The following ARHGAP18 variants were observed in gnomAD, a reference collection of about 807,000 sequenced individuals.
ARHGAP18 encodes rho GTPase-activating protein 18.
A neutral mutation model predicts 86.2 loss-of-function variants in ARHGAP18; 67 were observed. That is an observed-to-expected ratio of 0.78 (90% CI 0.64 to 0.95). The LOEUF is 0.95. Among genes scored for constraint, ARHGAP18 ranks in the 40% least tolerant of loss-of-function variants. ARHGAP18 has a pLI of 0.00. For missense variants in ARHGAP18, 691 were observed against 780.4 expected (o/e 0.89, Z 1.37); for synonymous variants, 283 against 280.4 (o/e 1.01, Z -0.09).
chr6:129,695,153 CA>C (rs1206404001), intron 1 of ARHGAP18, among the ~76,000 whole-genome samples: 3 of 151,718 alleles, frequency 2.0e-5, no homozygotes, highest in East Asian at 3.9e-4. Context: ...GCTTCTAGGT[CA>C]AAAAAAATTT....
At chr6:129,646,877 C>T (rs1003633569) in intron 1 of ARHGAP18, among the ~76,000 whole-genome samples, 5 of 152,116 alleles carry the variant, frequency 3.3e-5, no homozygotes, top group African/African-American at 1.2e-4. Context: ...TCTGGAGAGC[C>T]TCAGGTGTTC....
chr6:129,605,994 T>C (rs1788846012), intron 9 of ARHGAP18, 35 bp from the exon 10 acceptor site: 2 of 1,580,202 alleles, frequency 1.3e-6, no homozygotes. Context: ...AACTCTTTTC[T>C]TCAGTGAACA....
chr6:129,579,242 C>A (rs1368093877), intron 14 of ARHGAP18, among the ~76,000 whole-genome samples: 11 of 151,984 alleles, frequency 7.2e-5, no homozygotes, highest in Admixed American at 5.2e-4. Flanking sequence ...AATAAGAAAT[C>A]AAATCTATTA....
At chr6:129,669,393 C>A (rs1774102538) in intron 1 of ARHGAP18, among the ~76,000 whole-genome samples, 1 of 151,750 alleles carries the variant, frequency 6.6e-6, no homozygotes, top group Non-Finnish European at 1.5e-5. Flanking sequence ...AGGATGGTCT[C>A]GATCTCCTGA....
intron 1 of ARHGAP18, among the ~76,000 whole-genome samples, chr6:129,668,015 C>G (rs1774073549): frequency 6.6e-6 from 1 of 152,198 alleles, no homozygotes; most frequent in African/African-American, 2.4e-5. Flanking sequence ...GTTTCCAACT[C>G]TTTCTCCCTC....
At position 129,576,706 on chromosome 6, in the gene ARHGAP18, C is replaced by T. The variant is rs761853115; in HGVS notation, c.*1807G>A. 2.8e-4 allele frequency: 43 copies of T among 152,038 alleles called. No homozygotes were observed. Among genetic ancestry groups the T allele is most frequent in the Non-Finnish European group, 5.9e-4 (40 of 68,012 alleles). 9.4% of individuals were successfully genotyped at this position (152,038 alleles called of 1,614,324 possible). On this transcript the variant is annotated 3_prime_UTR_variant, in exon 15 of 15. Transcript: ENST00000368149. ...GGCATATGCTTCAGACAACCTTTTA[C>T]TTAAATCATTATCCTCACTGCTATC...
At chr6:129,671,580 A>T (rs1774142879) in intron 1 of ARHGAP18, among the ~76,000 whole-genome samples, 1 of 152,070 alleles carries the variant, frequency 6.6e-6, no homozygotes, top group Admixed American at 6.5e-5. Context: ...GTGAGCCTAT[A>T]GTTCTATTAA....
intron 12 of ARHGAP18, among the ~76,000 whole-genome samples, chr6:129,586,380 T>A (rs1788395118): frequency 6.6e-6 from 1 of 152,232 alleles, no homozygotes. Context: ...TTATCACTAT[T>A]ATTATGACTA....
chr6:129,590,645 G>T (rs553745569), intron 12 of ARHGAP18, among the ~76,000 whole-genome samples: 61 of 152,250 alleles, frequency 4.0e-4, no homozygotes, highest in African/African-American at 1.5e-3. Context: ...AGCTACAAAC[G>T]GTAGTCATTT....
At chr6:129,591,573 T>A (rs1788514387) in intron 12 of ARHGAP18, among the ~76,000 whole-genome samples, 1 of 152,242 alleles carries the variant, frequency 6.6e-6, no homozygotes, top group Admixed American at 6.5e-5. Context: ...CTAAACCTGA[T>A]TTTATTATTA....
At chr6:129,696,073 A>G (rs939996363) in intron 1 of ARHGAP18, among the ~76,000 whole-genome samples, 1 of 152,234 alleles carries the variant, frequency 6.6e-6, no homozygotes, top group Non-Finnish European at 1.5e-5. Flanking sequence ...AAATGTAACT[A>G]CTGTACTGGG....
At chr6:129,584,741 G>A (rs1788360857) in intron 12 of ARHGAP18, among the ~76,000 whole-genome samples, 1 of 152,148 alleles carries the variant, frequency 6.6e-6, no homozygotes, top group African/African-American at 2.4e-5. Context: ...CAAAATGTCA[G>A]CTATAGCGTT....
chr6:129,587,071 A>G (rs1041348181), intron 12 of ARHGAP18, among the ~76,000 whole-genome samples: 12 of 152,224 alleles, frequency 7.9e-5, no homozygotes, highest in African/African-American at 2.9e-4. Flanking sequence ...TATTGATTAA[A>G]TGAATCATTC....
At chr6:129,693,591 T>C (rs956659814) in intron 1 of ARHGAP18, among the ~76,000 whole-genome samples, 2 of 152,122 alleles carry the variant, frequency 1.3e-5, no homozygotes, top group African/African-American at 4.8e-5. Flanking sequence ...CAGCCTGCCA[T>C]AGAAAATGTC....
Position 129,625,035 on chromosome 6 carries a change from AT to A in ARHGAP18, c.786+4317del, listed in dbSNP as rs1175139256. Among the ~76,000 whole-genome samples the A allele has an allele frequency of 1.7e-3, 115 of 66,330 alleles. 5 individuals carry two copies. The highest frequency in any genetic ancestry group is 2.8e-3 in the South Asian group (8 of 2,888). 43.5% of individuals were successfully genotyped at this position (66,330 alleles called of 152,430 possible). A position where few individuals can be genotyped will look rare whatever the true frequency, so the allele number is the denominator to read the frequency against. Reference sequence around the variant, plus strand: ...ATAATATATATGATATATGATATATATTTATATAATATATATGATTGATATA... The same window carrying A: ...ATAATATATATGATATATGATATATATTATATAATATATATGATTGATATA... On this transcript the variant is annotated intron_variant, in intron 5 of 14. Coordinates refer to ENST00000368149, the MANE Select transcript of ARHGAP18 (RefSeq NM_033515.3).
intron 1 of ARHGAP18, among the ~76,000 whole-genome samples, chr6:129,668,357 A>T (rs1774079392): frequency 3.1e-5 from 3 of 97,276 alleles, no homozygotes; most frequent in African/African-American, 1.3e-4. Flanking sequence ...AATTTACCCA[A>T]ATAATCACAC....
chr6:129,597,936 T>G (rs900228922), intron 12 of ARHGAP18, among the ~76,000 whole-genome samples: 3 of 152,160 alleles, frequency 2.0e-5, no homozygotes, highest in Non-Finnish European at 2.9e-5. Flanking sequence ...ATATTCCATT[T>G]CCAAAAAGTA....
At chr6:129,639,317 G>A (rs1467698539) in intron 2 of ARHGAP18, among the ~76,000 whole-genome samples, 1 of 152,156 alleles carries the variant, frequency 6.6e-6, no homozygotes. Context: ...TCTAATGAAA[G>A]TTATTTAAAA....
chr6:129,682,784 T>A (rs1050530651), intron 1 of ARHGAP18, among the ~76,000 whole-genome samples: 29 of 152,210 alleles, frequency 1.9e-4, no homozygotes, highest in Non-Finnish European at 1.5e-5. Context: ...ATAGAGTAAC[T>A]GGACACACAG....
Sources: allele counts gnomAD v4.1 joint callset (sites outside exome capture counted in the v4.1 genomes callset), GRCh38; gene constraint gnomAD v4.1.1; transcripts MANE v1.5; gene names NCBI Gene and HGNC (gene_info 2026-07-23, HGNC 2026-07-21).